The following PTPRM variants were observed in gnomAD, a reference collection of about 807,000 sequenced individuals.
The protein encoded by PTPRM is receptor-type tyrosine-protein phosphatase mu.
Under a neutral mutation model 186.7 loss-of-function variants are expected in PTPRM, and 47 were observed. The observed-to-expected ratio is 0.25, with a 90% confidence interval of 0.20 to 0.32. PTPRM has a LOEUF of 0.32. PTPRM is among the 10% of genes least tolerant of loss of function. The pLI is 1.00. For missense variants in PTPRM, 1,494 were observed against 1,865.0 expected (o/e 0.80, Z 3.66); for synonymous variants, 668 against 674.9 (o/e 0.99, Z 0.16).
intron 14 of PTPRM, among the ~76,000 whole-genome samples, chr18:8,148,646 G>A (rs1298328476): frequency 6.6e-6 from 1 of 151,784 alleles, no homozygotes; most frequent in African/African-American, 2.4e-5. Flanking sequence ...GTGTCTGTAT[G>A]TCCTTCAGTT....
At chr18:8,342,206 A>G (rs1244847582) in intron 22 of PTPRM, among the ~76,000 whole-genome samples, 1 of 152,218 alleles carries the variant, frequency 6.6e-6, no homozygotes, top group Non-Finnish European at 1.5e-5. Flanking sequence ...GTGTGTCACT[A>G]TTATTCAGTG....
At position 7,865,692 on chromosome 18, in the gene PTPRM, G is replaced by A. The variant is rs71362007; in HGVS notation, c.197-22414G>A. 4.6e-5 allele frequency among the ~76,000 whole-genome samples: 7 copies of A among 152,170 alleles called. No homozygotes were observed. The South Asian group carries it at 6.2e-4, about 14-fold the overall frequency. On this transcript the variant is annotated intron_variant, in intron 2 of 32. Coordinates refer to ENST00000580170, the MANE Select transcript of PTPRM (RefSeq NM_001105244.2). The stretch of plus-strand genomic sequence containing the variant: ...GAGGTTTTGGTATCAGGATGATGCC[G>A]GCCTCATAAAATGAGTTACGGAGGA...
chr18:8,248,241 G>C, intron 17 of PTPRM, 65 bp downstream of exon 17: 1 of 1,381,572 alleles, frequency 7.2e-7, no homozygotes, highest in South Asian at 1.2e-5. Context: ...TGACCACTCT[G>C]TAGGAGATTG....
chr18:8,010,461 T>C lies in PTPRM; in HGVS notation c.1132+55047T>C, dbSNP rs372307986. Among the ~76,000 whole-genome samples the C allele has an allele frequency of 3.0e-4, 45 of 152,360 alleles. 3 individuals carry two copies. In the South Asian group the frequency reaches 8.3e-3, roughly 28 times the overall value. On this transcript the variant is annotated intron_variant, in intron 7 of 32. Transcript: ENST00000580170. ...TCCTGTTCCCTAAACCACTGAGTTTTGTTTTCATGGTCTCACAGCCTGCCC... is the reference window on the plus strand; with the variant it reads ...TCCTGTTCCCTAAACCACTGAGTTTCGTTTTCATGGTCTCACAGCCTGCCC...
chr18:7,990,612 G>A lies in PTPRM; in HGVS notation c.1132+35198G>A, dbSNP rs556763217. ...TTCAGGAGTTCTTCCCAAAAGGATGGCAATGCTGATTGGCATTGATTCATG... is the reference window on the plus strand; with the variant it reads ...TTCAGGAGTTCTTCCCAAAAGGATGACAATGCTGATTGGCATTGATTCATG... On this transcript the variant is annotated intron_variant, in intron 7 of 32. Coordinates refer to ENST00000580170, the MANE Select transcript of PTPRM (RefSeq NM_001105244.2). Among the ~76,000 whole-genome samples, 8 of 152,250 alleles carry A rather than the reference G, an allele frequency of 5.3e-5. No homozygotes were observed. The South Asian group carries it at 6.2e-4, about 12-fold the overall frequency.
chr18:7,637,365 T>TA, intron 1 of PTPRM, among the ~76,000 whole-genome samples: 1 of 152,284 alleles, frequency 6.6e-6, no homozygotes, highest in South Asian at 2.1e-4. Context: ...ATACTCAAGA[T>TA]AAAAAAGGAA....
chr18:8,157,142 T>C (rs2093138296), intron 14 of PTPRM, among the ~76,000 whole-genome samples: 1 of 152,204 alleles, frequency 6.6e-6, no homozygotes, highest in Non-Finnish European at 1.5e-5. Context: ...ACTGGCTGTG[T>C]GATCTTAGAC....
intron 1 of PTPRM, among the ~76,000 whole-genome samples, chr18:7,593,439 C>T (rs1306446566): frequency 6.6e-6 from 1 of 152,158 alleles, no homozygotes; most frequent in African/African-American, 2.4e-5. Context: ...ATAAATGCTT[C>T]CTCACATTAT....
intron 7 of PTPRM, among the ~76,000 whole-genome samples, chr18:8,043,696 A>G (rs2086834071): frequency 6.6e-6 from 1 of 152,102 alleles, no homozygotes; most frequent in Non-Finnish European, 1.5e-5. Flanking sequence ...TCAAACATAA[A>G]CAAAGCTGGA....
At chr18:7,907,162 G>C (rs900483293) in intron 4 of PTPRM, among the ~76,000 whole-genome samples, 3 of 152,196 alleles carry the variant, frequency 2.0e-5, no homozygotes, top group Admixed American at 6.5e-5. Context: ...CTAACAGTTT[G>C]TCATATTTGT....
chr18:7,685,504 T>C (rs559384660), intron 1 of PTPRM, among the ~76,000 whole-genome samples: 4 of 152,284 alleles, frequency 2.6e-5, no homozygotes, highest in African/African-American at 9.6e-5. Context: ...AAAGACATAA[T>C]ATGGATTAGT....
intron 2 of PTPRM, among the ~76,000 whole-genome samples, chr18:7,790,783 A>C (rs986666721): frequency 2.6e-5 from 4 of 152,148 alleles, no homozygotes; most frequent in African/African-American, 9.6e-5. Context: ...TTAAATTCTT[A>C]AGTCCAGTTC....
At chr18:8,183,817 TC>T (rs1397631376) in intron 14 of PTPRM, among the ~76,000 whole-genome samples, 3 of 152,122 alleles carry the variant, frequency 2.0e-5, no homozygotes, top group Non-Finnish European at 4.4e-5. Context: ...ATCCTCAACC[TC>T]AGAGGTGATT....
At chr18:8,338,282 A>AAAT (rs1555877627) in intron 22 of PTPRM, among the ~76,000 whole-genome samples, 1 of 150,358 alleles carries the variant, frequency 6.7e-6, no homozygotes, top group African/African-American at 2.4e-5. Flanking sequence ...ATAATTTAAA[A>AAAT]ATATATATAT....
intron 1 of PTPRM, among the ~76,000 whole-genome samples, chr18:7,617,647 A>G (rs942265045): frequency 6.6e-6 from 1 of 152,200 alleles, no homozygotes; most frequent in African/African-American, 2.4e-5. Context: ...AATTTTAAAG[A>G]GGGTTTGCAC....
intron 5 of PTPRM, among the ~76,000 whole-genome samples, chr18:7,939,404 A>G (rs1354117819): frequency 6.6e-6 from 1 of 152,184 alleles, no homozygotes; most frequent in Admixed American, 6.5e-5. Context: ...TTGCAAAACT[A>G]TTTCTGAAAG....
chr18:7,630,989 C>G (rs2144076318), intron 1 of PTPRM, among the ~76,000 whole-genome samples: 1 of 152,306 alleles, frequency 6.6e-6, no homozygotes, highest in African/African-American at 2.4e-5. Flanking sequence ...TGCCCAGGAT[C>G]TGATTTCCTC....
rs188022316 is a variant in PTPRM, at chr18:7,797,441, C to T, written c.196+23170C>T. On this transcript the variant is annotated intron_variant, in intron 2 of 32. Coordinates refer to ENST00000580170, the MANE Select transcript of PTPRM (RefSeq NM_001105244.2). ...CTCTTCTCCTTAAGATTAGGGTGTTCCTCCACTCAGAGTAGCCTCATCTCT... is the reference window on the plus strand; with the variant it reads ...CTCTTCTCCTTAAGATTAGGGTGTTTCTCCACTCAGAGTAGCCTCATCTCT... Among the ~76,000 whole-genome samples the T allele has an allele frequency of 8.5e-5, 13 of 152,240 alleles. No homozygotes were observed. In the East Asian group the frequency reaches 2.5e-3, roughly 29 times the overall value.
At chr18:8,303,305 C>G (rs1007662030) in intron 20 of PTPRM, among the ~76,000 whole-genome samples, 1 of 152,076 alleles carries the variant, frequency 6.6e-6, no homozygotes, top group Admixed American at 6.5e-5. Flanking sequence ...CCCTCCTACT[C>G]CATTTCCTAA....
Sources: allele counts gnomAD v4.1 joint callset (sites outside exome capture counted in the v4.1 genomes callset), GRCh38; gene constraint gnomAD v4.1.1; transcripts MANE v1.5; gene names NCBI Gene and HGNC (gene_info 2026-07-23, HGNC 2026-07-21).